Variants in SSTR2 observed in about 807,000 individuals in gnomAD.
The protein encoded by SSTR2 is somatostatin receptor type 2.
In SSTR2, 10 loss-of-function variants were observed where a neutral mutation model predicts 21.4. The observed-to-expected ratio is 0.47, with a 90% CI of 0.29 to 0.79. The LOEUF (loss-of-function observed/expected upper bound fraction) is 0.79, where lower values mean the gene tolerates loss of function less well. SSTR2 is among the 30% of genes least tolerant of loss of function. The pLI is 0.10. For missense variants in SSTR2, 364 were observed against 468.8 expected (o/e 0.78, Z 2.06); for synonymous variants, 177 against 181.3 (o/e 0.98, Z 0.19).
chr17:73,170,404 A>G lies in SSTR2; in HGVS notation c.1085A>G (p.Asn362Ser). The G allele has an allele frequency of 6.2e-7, 1 of 1,613,630 alleles. No individual in the cohort carries two copies. Among genetic ancestry groups the G allele is most frequent in the South Asian group, 1.1e-5 (1 of 91,068 alleles). Residue 362 changes from asparagine to serine, a missense_variant, in exon 2 of 2, where the codon AAT (asparagine) becomes AGT (serine). Asn to Ser is a conservative substitution (Grantham distance 46). Around this residue, in one of 4 missense-constraint regions of SSTR2, gnomAD observed 71 missense variants for 53.8 expected, o/e 1.32. Coordinates refer to ENST00000357585, the MANE Select transcript of SSTR2 (RefSeq NM_001050.3). Reference sequence around the variant, plus strand: ...ACGGAGACCCAGAGGACCCTCCTCAATGGAGACCTCCAAACCAGTATCTGA... The same window carrying G: ...ACGGAGACCCAGAGGACCCTCCTCAGTGGAGACCTCCAAACCAGTATCTGA... ...ETTETQRTLL[N>S]GDLQTSI
rs1415162331 is a variant in SSTR2 at position 73,171,941 on chromosome 17, A to T, written c.*1512A>T. Reference sequence around the variant, plus strand: ...AGTCTCAAAAAAAAAAAAAAAAAAAAAAAAAAAAAAAAAAAAGGAAAACCA... The same window carrying T: ...AGTCTCAAAAAAAAAAAAAAAAAAATAAAAAAAAAAAAAAAAGGAAAACCA... On this transcript the variant is annotated 3_prime_UTR_variant, in exon 2 of 2. Coordinates refer to ENST00000357585, the MANE Select transcript of SSTR2 (RefSeq NM_001050.3). 31 of 146,532 alleles carry T rather than the reference A, an allele frequency of 2.1e-4. No individual in the cohort carries two copies. The highest frequency in any genetic ancestry group is 4.1e-4 in the Non-Finnish European group (27 of 66,226). 9.1% of individuals were successfully genotyped at this position (146,532 alleles called of 1,614,324 possible). A position where few individuals can be genotyped will look rare whatever the true frequency, so the allele number is the denominator to read the frequency against.
chr17:73,166,246 G>T (rs1428127759), intron 1 of SSTR2, among the ~76,000 whole-genome samples: 1 of 152,258 alleles, frequency 6.6e-6, no homozygotes, highest in Non-Finnish European at 1.5e-5. Flanking sequence ...CCTGCCAGTG[G>T]GGGCTCTCGC....
rs1211267979 is a variant in SSTR2 at position 73,172,038 on chromosome 17, C to T, written c.*1609C>T. 1.3e-5 allele frequency: 2 copies of T among 149,510 alleles called. No individual in the cohort carries two copies. The highest frequency in any genetic ancestry group is 2.5e-5 in the African/African-American group (1 of 40,616). The allele number at this position is 149,510 out of a possible 1,614,324, so 9.3% of individuals were successfully genotyped here. A position where few individuals can be genotyped will look rare whatever the true frequency, so the allele number is the denominator to read the frequency against. ...CCCTCACCTGCCAATGAATATGCAGCGTGCAGGGGGTGTGGTGTGAGTGTT... is the reference window on the plus strand; with the variant it reads ...CCCTCACCTGCCAATGAATATGCAGTGTGCAGGGGGTGTGGTGTGAGTGTT... On this transcript the variant is annotated 3_prime_UTR_variant, in exon 2 of 2. Transcript: ENST00000357585.
rs773436001 is a variant in SSTR2 at position 73,170,627 on chromosome 17, C to G, written c.*198C>G. ...GATAATGTGCTAAATTGATTACCTCCCCCTTAAAGCGAACACTGAAATGCA... is the reference window on the plus strand; with the variant it reads ...GATAATGTGCTAAATTGATTACCTCGCCCTTAAAGCGAACACTGAAATGCA... On this transcript the variant is annotated 3_prime_UTR_variant, in exon 2 of 2. Coordinates refer to ENST00000357585, the MANE Select transcript of SSTR2 (RefSeq NM_001050.3). 5.1e-5 allele frequency: 38 copies of G among 747,616 alleles called. No individual in the cohort carries two copies. The highest frequency in any genetic ancestry group is 8.4e-5 in the Non-Finnish European group (35 of 417,508). 46.3% of individuals were successfully genotyped at this position (747,616 alleles called of 1,614,324 possible).
In SSTR2 at chr17:73,170,197, T is replaced by C. The variant is rs1162213079; in HGVS notation, c.878T>C (p.Met293Thr). The C allele has an allele frequency of 6.2e-7, 1 of 1,614,028 alleles. No individual in the cohort carries two copies. Among genetic ancestry groups the C allele is most frequent in the Non-Finnish European group, 8.5e-7 (1 of 1,180,030 alleles). Residue 293 changes from methionine (M) to threonine (T), a missense_variant, in exon 2 of 2, where the codon ATG becomes ACG. By Grantham distance (81) the Met-to-Thr change is moderately conservative. Around this residue, in one of 4 missense-constraint regions of SSTR2, gnomAD observed 193 missense variants for 273.1 expected, o/e 0.71. Coordinates refer to ENST00000357585, the MANE Select transcript of SSTR2 (RefSeq NM_001050.3). ...AGCCCCACCCCAGCCCTTAAAGGCATGTTTGACTTTGTGGTGGTCCTCACC... is the reference window on the plus strand; with the variant it reads ...AGCCCCACCCCAGCCCTTAAAGGCACGTTTGACTTTGTGGTGGTCCTCACC... ...AISPTPALKGMFDFVVVLTYA... is the reference protein window; with the variant it reads ...AISPTPALKGTFDFVVVLTYA...
chr17:73,167,323 GT>G (rs2061219568), intron 1 of SSTR2, among the ~76,000 whole-genome samples: 1 of 152,210 alleles, frequency 6.6e-6, no homozygotes, highest in Admixed American at 6.5e-5. Flanking sequence ...CAGTTGTGTG[GT>G]AGGGAAATGA....
chr17:73,168,731 G>T (rs2061224153), intron 1 of SSTR2, among the ~76,000 whole-genome samples: 1 of 152,188 alleles, frequency 6.6e-6, no homozygotes, highest in South Asian at 2.1e-4. Context: ...CCAGGCATGT[G>T]GTCACACGGG....
rs2061232836 is a variant in SSTR2, at chr17:73,170,826, A to G, written c.*397A>G. ...CCTATTTATTCTCTGTATAGGCATT[A>G]CCTACGTTCCTGTGTTTACATACAC... On this transcript the variant is annotated 3_prime_UTR_variant, in exon 2 of 2. Coordinates refer to ENST00000357585, the MANE Select transcript of SSTR2 (RefSeq NM_001050.3). The G allele has an allele frequency of 2.3e-6, 1 of 433,672 alleles. No individual in the cohort carries two copies. Among genetic ancestry groups the G allele is most frequent in the African/African-American group, 2.1e-5 (1 of 48,694 alleles). The allele number at this position is 433,672 out of a possible 1,614,324, so 26.9% of individuals were successfully genotyped here. A position where few individuals can be genotyped will look rare whatever the true frequency, so the allele number is the denominator to read the frequency against.
intron 1 of SSTR2, among the ~76,000 whole-genome samples, chr17:73,168,442 A>ACT (rs2061223233): frequency 1.3e-5 from 2 of 152,238 alleles, no homozygotes; most frequent in Admixed American, 1.3e-4. Context: ...TGGAAAACAA[A>ACT]AATAGAAGAA....
rs138141571 is a variant in SSTR2, at chr17:73,166,209, G to A, written c.-93+921G>A. Among the ~76,000 whole-genome samples the A allele has an allele frequency of 4.1e-3, 630 of 152,360 alleles. 1 individual carries two copies. The highest frequency in any genetic ancestry group is 5.4e-3 in the Non-Finnish European group (367 of 68,040). On this transcript the variant is annotated intron_variant, in intron 1 of 1. Transcript: ENST00000357585. Reference sequence around the variant, plus strand: ...GGCTTTTCCCAGGCGCTCACGCGCCGCGGTGGCCCTCAGGGGCTTTTGTCA... The same window carrying A: ...GGCTTTTCCCAGGCGCTCACGCGCCACGGTGGCCCTCAGGGGCTTTTGTCA...
In SSTR2 at chr17:73,174,816, GA is replaced by G; in HGVS notation, c.*4391del. The G allele has an allele frequency of 6.5e-6, 1 of 153,658 alleles. No individual in the cohort carries two copies. 9.5% of individuals were successfully genotyped at this position (153,658 alleles called of 1,614,324 possible). The stretch of plus-strand genomic sequence containing the variant: ...AAATTAGTGTTTTATAGACCCTGGG[GA>G]AAAGAATTTTCAGCAAAGTACAAAA... On this transcript the variant is annotated 3_prime_UTR_variant, in exon 2 of 2. Transcript: ENST00000357585.
At position 73,173,185 on chromosome 17, in the gene SSTR2, C is replaced by T. The variant is rs2061240208; in HGVS notation, c.*2756C>T. ...TGCCATTGCACTCCAGCCTGGGCAA[C>T]AAGAGCGAAACTTCATCTCAAAAAA... On this transcript the variant is annotated 3_prime_UTR_variant, in exon 2 of 2. Coordinates refer to ENST00000357585, the MANE Select transcript of SSTR2 (RefSeq NM_001050.3). 6.6e-6 allele frequency: 1 copy of T among 150,884 alleles called. No homozygotes were observed. Among genetic ancestry groups the T allele is most frequent in the Non-Finnish European group, 1.5e-5 (1 of 68,074 alleles). 9.3% of individuals were successfully genotyped at this position (150,884 alleles called of 1,614,324 possible). A position where few individuals can be genotyped will look rare whatever the true frequency, so the allele number is the denominator to read the frequency against.
chr17:73,169,112 A>T lies in SSTR2; in HGVS notation c.-92-116A>T. The T allele has an allele frequency of 3.3e-6, 2 of 602,116 alleles. No homozygotes were observed. The highest frequency in any genetic ancestry group is 5.8e-6 in the Non-Finnish European group (2 of 345,332). The allele number at this position is 602,116 out of a possible 1,614,324, so 37.3% of individuals were successfully genotyped here. On this transcript the variant is annotated intron_variant, in intron 1 of 1. Coordinates refer to ENST00000357585, the MANE Select transcript of SSTR2 (RefSeq NM_001050.3). The surrounding 1 kb of genome is among the most constrained non-coding windows in gnomAD (Gnocchi z 5.2). ...TAGAGCTTAATGTTGATGTGGAAAGATAATACATTTTTCAATTTAAGAGTA... is the reference window on the plus strand; with the variant it reads ...TAGAGCTTAATGTTGATGTGGAAAGTTAATACATTTTTCAATTTAAGAGTA...
At position 73,171,728 on chromosome 17, in the gene SSTR2, C is replaced by T. The variant is rs908015718; in HGVS notation, c.*1299C>T. 3.9e-5 allele frequency: 6 copies of T among 155,754 alleles called. No individual in the cohort carries two copies. The highest frequency in any genetic ancestry group is 3.3e-4 in the Admixed American group (5 of 15,228). 9.6% of individuals were successfully genotyped at this position (155,754 alleles called of 1,614,324 possible). ...CCGAGGTCAGGAGTTCGAGACCAGC[C>T]TGGCCAACATGGTGAAACCCCATCA... On this transcript the variant is annotated 3_prime_UTR_variant, in exon 2 of 2. Coordinates refer to ENST00000357585, the MANE Select transcript of SSTR2 (RefSeq NM_001050.3).
At chr17:73,165,631 C>T (rs1007291952) in intron 1 of SSTR2, among the ~76,000 whole-genome samples, 1 of 151,956 alleles carries the variant, frequency 6.6e-6, no homozygotes, top group Non-Finnish European at 1.5e-5. Context: ...CAACTTCTCT[C>T]CCAGCCCCCT....
In SSTR2 at chr17:73,170,400, C is replaced by A. The variant is rs1177982071; in HGVS notation, c.1081C>A (p.Leu361Ile). 2 of 1,613,742 alleles carry A rather than the reference C, an allele frequency of 1.2e-6. No homozygotes were observed. The highest frequency in any genetic ancestry group is 1.7e-6 in the Non-Finnish European group (2 of 1,179,960). Reference protein sequence around the residue: ...NETTETQRTLLNGDLQTSI With the variant: ...NETTETQRTLINGDLQTSI ...GACCACGGAGACCCAGAGGACCCTC[C>A]TCAATGGAGACCTCCAAACCAGTAT... The change falls in exon 2 of 2, where the codon CTC becomes ATC. Residue 361 changes from leucine (L) to isoleucine (I), a missense_variant. Physicochemically the swap from Leu to Ile is conservative, Grantham distance 5. Transcript: ENST00000357585.
intron 1 of SSTR2, among the ~76,000 whole-genome samples, chr17:73,167,130 A>C (rs183174183): frequency 3.0e-3 from 460 of 152,356 alleles, no homozygotes; most frequent in Non-Finnish European, 5.4e-3. Context: ...AACTGACCAG[A>C]TGGTTAGAAG....
At chr17:73,168,995 C>T (rs1388642465) in intron 1 of SSTR2, among the ~76,000 whole-genome samples, 6 of 152,200 alleles carry the variant, frequency 3.9e-5, no homozygotes, top group South Asian at 2.1e-4. Flanking sequence ...CAGCCCTCCC[C>T]GACATGTGCG....
rs1456622975 is a variant in SSTR2, at chr17:73,169,374, T to C, written c.55T>C (p.Phe19Leu). 6 of 1,613,972 alleles carry C rather than the reference T, an allele frequency of 3.7e-6. No homozygotes were observed. The highest frequency in any genetic ancestry group is 3.3e-5 in the Admixed American group (2 of 59,994). ...AAGCCACACATGGCTATCCATTCCA[T>C]TTGACCTCAATGGCTCTGTGGTGTC... ...NGSHTWLSIP[F>L]DLNGSVVSTN... Residue 19 changes from phenylalanine (F) to leucine (L), a missense_variant, in exon 2 of 2, where the codon TTT (phenylalanine) becomes CTT (leucine). Physicochemically the swap from Phe to Leu is conservative, Grantham distance 22. Transcript: ENST00000357585. The surrounding 1 kb of genome is among the most constrained non-coding windows in gnomAD (Gnocchi z 5.2).
Sources: allele counts gnomAD v4.1 joint callset (sites outside exome capture counted in the v4.1 genomes callset), GRCh38; gene constraint gnomAD v4.1.1; regional missense constraint gnomAD v4.1.1; non-coding constraint Gnocchi (gnomAD v3.1); transcripts MANE v1.5; gene names NCBI Gene and HGNC (gene_info 2026-07-23, HGNC 2026-07-21).